DCC: variants seen among roughly 807,000 people sequenced by gnomAD.
DCC encodes netrin receptor DCC.
Under a neutral mutation model 172.5 loss-of-function variants are expected in DCC, and 58 were observed. The ratio of observed to expected loss-of-function variants is 0.34; its 90% confidence interval spans 0.27 to 0.42. DCC has a LOEUF of 0.42. DCC is among the 10% of genes least tolerant of loss of function. The pLI is 1.00. For synonymous variants in DCC, 709 were observed against 644.5 expected (o/e 1.10, Z -1.52); for missense variants, 1,740 against 1,791.0 (o/e 0.97, Z 0.51).
chr18:52,967,370 T>A (rs2040952052), intron 5 of DCC, among the ~76,000 whole-genome samples: 1 of 152,164 alleles, frequency 6.6e-6, no homozygotes, highest in African/African-American at 2.4e-5. Context: ...GATTTGCAGG[T>A]CTCTTTCTTA....
intron 2 of DCC, among the ~76,000 whole-genome samples, chr18:52,790,321 C>T (rs1409463749): frequency 1.3e-5 from 2 of 152,110 alleles, no homozygotes. Context: ...CAAAGCACAC[C>T]AGATTTGCTA....
chr18:52,889,144 T>C lies in DCC; in HGVS notation c.413-16900T>C, dbSNP rs1482535364. The stretch of plus-strand genomic sequence containing the variant: ...TGGAGAACCTCTAATATATAAGATA[T>C]GGAACTAGGAATTGGAGATGGGGTA... On this transcript the variant is annotated intron_variant, in intron 2 of 28. Coordinates refer to ENST00000442544, the MANE Select transcript of DCC (RefSeq NM_005215.4). Among the ~76,000 whole-genome samples, 6 of 152,204 alleles carry C rather than the reference T, an allele frequency of 3.9e-5. No homozygotes were observed. The South Asian group carries it at 1.0e-3, about 26-fold the overall frequency.
intron 12 of DCC, among the ~76,000 whole-genome samples, chr18:53,241,384 C>T (rs770864781): frequency 6.6e-6 from 1 of 152,070 alleles, no homozygotes; most frequent in Non-Finnish European, 1.5e-5. Flanking sequence ...CCCATTCTCC[C>T]CAGTCCTGCT....
At chr18:52,644,576 C>A (rs1762237435) in intron 1 of DCC, among the ~76,000 whole-genome samples, 1 of 50,268 alleles carries the variant, frequency 2.0e-5, no homozygotes, top group South Asian at 8.8e-4. Context: ...CAGACTCCGT[C>A]TCAAAAAAAA....
intron 5 of DCC, among the ~76,000 whole-genome samples, chr18:53,013,719 G>T (rs1451194600): frequency 6.6e-6 from 1 of 150,754 alleles, no homozygotes; most frequent in Non-Finnish European, 1.5e-5. Flanking sequence ...AAAAAAATCT[G>T]AGTCTAATTC....
At chr18:52,851,091 C>T (rs1440602482) in intron 2 of DCC, among the ~76,000 whole-genome samples, 3 of 152,060 alleles carry the variant, frequency 2.0e-5, no homozygotes, top group Non-Finnish European at 4.4e-5. Flanking sequence ...TCATAGTCTA[C>T]CAGTATCTTA....
At chr18:52,932,608 T>C (rs1382958412) in intron 5 of DCC, among the ~76,000 whole-genome samples, 7 of 152,054 alleles carry the variant, frequency 4.6e-5, no homozygotes, top group Non-Finnish European at 1.0e-4. Flanking sequence ...TTTAAAGCAG[T>C]TGTGTAGCAA....
At chr18:53,365,386 G>C (rs2057993985) in intron 15 of DCC, among the ~76,000 whole-genome samples, 1 of 141,618 alleles carries the variant, frequency 7.1e-6, no homozygotes, top group South Asian at 2.2e-4. Flanking sequence ...AGAACTTAAA[G>C]TACAGTAATA....
chr18:52,352,222 T>A (rs962450307), intron 1 of DCC, among the ~76,000 whole-genome samples: 1 of 152,248 alleles, frequency 6.6e-6, no homozygotes, highest in Non-Finnish European at 1.5e-5. Context: ...GTTAGTATTA[T>A]GTTAGTATGG....
rs558153269 is a variant in DCC, at chr18:53,114,159, TC to T, written c.1262-43195del. ...TGCACTCATGTTTATGTAAATGACA[TC>T]CTACCAAACAGTCATTTATAATACC... On this transcript the variant is annotated intron_variant, in intron 7 of 28. Transcript: ENST00000442544. Among the ~76,000 whole-genome samples the T allele has an allele frequency of 3.3e-5, 5 of 151,642 alleles. No homozygotes were observed. The East Asian group carries it at 9.7e-4, about 30-fold the overall frequency.
At chr18:53,165,969 G>A (rs1460532952) in intron 8 of DCC, among the ~76,000 whole-genome samples, 4 of 152,160 alleles carry the variant, frequency 2.6e-5, no homozygotes, top group Non-Finnish European at 4.4e-5. Flanking sequence ...TGACTAGAAA[G>A]TGGAAACTAG....
At chr18:53,435,306 A>G in intron 22 of DCC, 97 bp downstream of exon 22, 1 of 798,318 alleles carries the variant, frequency 1.3e-6, no homozygotes, top group African/African-American at 1.7e-5. Flanking sequence ...TACAAGTGCC[A>G]GGAACCTTGG....
intron 1 of DCC, among the ~76,000 whole-genome samples, chr18:52,750,974 G>A (rs28707481): frequency 2.6e-5 from 4 of 152,064 alleles, no homozygotes; most frequent in African/African-American, 9.7e-5. Flanking sequence ...AACAAATAAA[G>A]GGCTCTTAAA....
At chr18:53,273,783 A>G (rs1390265259) in intron 12 of DCC, among the ~76,000 whole-genome samples, 4 of 150,432 alleles carry the variant, frequency 2.7e-5, no homozygotes. Context: ...TTCTCAACTC[A>G]GCAACACTTC....
At chr18:52,883,312 ATTT>A (rs1041064203) in intron 2 of DCC, among the ~76,000 whole-genome samples, 1 of 124,776 alleles carries the variant, frequency 8.0e-6, no homozygotes. Context: ...TTTCTGTTTT[ATTT>A]TTATTTTATT....
rs1204775915 is a variant in DCC at position 52,632,713 on chromosome 18, T to C, written c.92-119341T>C. ...CATGAGCATTCCTGTGGTTTCACGC[T>C]CCTATTTGTTCTTCTGCTAATGATC... On this transcript the variant is annotated intron_variant, in intron 1 of 28. Coordinates refer to ENST00000442544, the MANE Select transcript of DCC (RefSeq NM_005215.4). Among the ~76,000 whole-genome samples the C allele has an allele frequency of 2.0e-5, 3 of 152,230 alleles. 1 individual carries two copies. The highest frequency in any genetic ancestry group is 4.8e-5 in the African/African-American group (2 of 41,452).
intron 2 of DCC, among the ~76,000 whole-genome samples, chr18:52,765,191 T>C (rs2037225366): frequency 7.8e-6 from 1 of 128,868 alleles, no homozygotes. Flanking sequence ...GTGCTAGCAC[T>C]CCTGGCTAAT....
intron 13 of DCC, among the ~76,000 whole-genome samples, chr18:53,307,889 GTGTGTATGTATATATATATATA>G (rs1191290924): frequency 0.011 from 415 of 38,104 alleles, 17 homozygotes; most frequent in African/African-American, 0.022. Context: ...AAAGCAATGT[GTGTGTATGTATATATATATATA>G]TATATATATA....
chr18:52,778,480 A>G (rs1231564254), intron 2 of DCC, among the ~76,000 whole-genome samples: 2 of 152,166 alleles, frequency 1.3e-5, no homozygotes, highest in African/African-American at 2.4e-5. Context: ...GTGAAATGAA[A>G]TAACATAAAA....
Sources: gnomAD v4.1 joint callset for allele counts (sites outside exome capture counted in the v4.1 genomes callset) on GRCh38, gnomAD v4.1.1 for gene constraint, MANE v1.5 for transcripts, NCBI Gene and HGNC (gene_info 2026-07-23, HGNC 2026-07-21) for gene names.